Variants in CTNNA2 observed in about 807,000 individuals in gnomAD.
CTNNA2 encodes catenin alpha-2.
Under a neutral mutation model 101.0 loss-of-function variants are expected in CTNNA2, and 42 were observed. That is an observed-to-expected ratio of 0.42 (90% CI 0.32 to 0.54). The LOEUF (loss-of-function observed/expected upper bound fraction) is 0.54. Among genes scored for constraint, CTNNA2 ranks in the 20% least tolerant of loss-of-function variants. The pLI, the probability that CTNNA2 is intolerant of heterozygous loss-of-function variation, is 0.14. For synonymous variants in CTNNA2, 450 were observed against 456.4 expected (o/e 0.99, Z 0.18); for missense variants, 871 against 1,223.1 (o/e 0.71, Z 4.29).
chr2:79,627,481 G>A (rs921051439), intron 1 of CTNNA2, among the ~76,000 whole-genome samples: 11 of 152,168 alleles, frequency 7.2e-5, no homozygotes, highest in African/African-American at 1.7e-4. Flanking sequence ...CCTGTCCTGC[G>A]TGACAGATCC....
At chr2:79,690,750 G>C (rs1292260224) in intron 2 of CTNNA2, among the ~76,000 whole-genome samples, 2 of 152,004 alleles carry the variant, frequency 1.3e-5, no homozygotes. Flanking sequence ...CCAGGCTGCA[G>C]AGGAAGTGGG....
chr2:79,727,561 CT>C (rs541424725), intron 2 of CTNNA2, among the ~76,000 whole-genome samples: 87 of 151,828 alleles, frequency 5.7e-4, no homozygotes, highest in Non-Finnish European at 6.2e-4. Flanking sequence ...TCAGATATTT[CT>C]TTTTTTATTT....
intron 4 of CTNNA2, among the ~76,000 whole-genome samples, chr2:79,427,571 A>C (rs986129483): frequency 6.6e-6 from 1 of 151,812 alleles, no homozygotes; most frequent in Non-Finnish European, 1.5e-5. Context: ...GATCTATGAA[A>C]CCAACTGACC....
At chr2:79,288,876 A>G (rs555854491) in intron 2 of CTNNA2, among the ~76,000 whole-genome samples, 11 of 152,250 alleles carry the variant, frequency 7.2e-5, no homozygotes, top group Non-Finnish European at 1.2e-4. Flanking sequence ...TTAATGAGAC[A>G]CATCATAAGA....
intron 7 of CTNNA2, among the ~76,000 whole-genome samples, chr2:80,052,704 C>T (rs148903929): frequency 1.5e-3 from 234 of 152,226 alleles, no homozygotes; most frequent in Non-Finnish European, 2.6e-3. Context: ...AATTATCATC[C>T]GTAGAAGTCT....
intron 1 of CTNNA2, among the ~76,000 whole-genome samples, chr2:79,554,763 G>A (rs1330634118): frequency 6.6e-6 from 1 of 152,142 alleles, no homozygotes; most frequent in Non-Finnish European, 1.5e-5. Context: ...CCACAGAAAT[G>A]GAGGTTATTG....
At chr2:80,300,786 A>C (rs1018107465) in intron 7 of CTNNA2, among the ~76,000 whole-genome samples, 1 of 152,122 alleles carries the variant, frequency 6.6e-6, no homozygotes, top group African/African-American at 2.4e-5. Flanking sequence ...CTGATGAAGG[A>C]GCCCTCCGTC....
intron 7 of CTNNA2, among the ~76,000 whole-genome samples, chr2:80,335,049 A>G (rs1671653056): frequency 1.3e-5 from 2 of 152,268 alleles, no homozygotes; most frequent in Admixed American, 6.5e-5. Context: ...GGTGACTTTC[A>G]GATGGGTTAA....
intron 2 of CTNNA2, among the ~76,000 whole-genome samples, chr2:79,692,085 C>T (rs1021781094): frequency 1.1e-4 from 17 of 152,246 alleles, no homozygotes; most frequent in African/African-American, 3.9e-4. Flanking sequence ...AGTGAACAGG[C>T]AACCTACAGA....
intron 3 of CTNNA2, among the ~76,000 whole-genome samples, chr2:79,813,070 A>G (rs541026195): frequency 2.0e-5 from 3 of 152,254 alleles, no homozygotes; most frequent in Admixed American, 6.5e-5. Context: ...TTTCCCATAG[A>G]TGAGGGGTTT....
At chr2:79,661,858 A>T (rs1475337058) in intron 2 of CTNNA2, among the ~76,000 whole-genome samples, 4 of 151,888 alleles carry the variant, frequency 2.6e-5, no homozygotes, top group Admixed American at 2.6e-4. Flanking sequence ...CTTACAGATT[A>T]AAAAAAAGAT....
intron 9 of CTNNA2, among the ~76,000 whole-genome samples, chr2:80,465,524 A>T (rs1487744644): frequency 6.6e-6 from 1 of 152,134 alleles, no homozygotes; most frequent in Non-Finnish European, 1.5e-5. Flanking sequence ...GGAATGCTTG[A>T]AGAAGGCCAC....
rs537584661 is a variant in CTNNA2, at chr2:79,432,190, T to C, written c.-135+58177T>C. Reference sequence around the variant, plus strand: ...CTTCAAAAGCTCCAAAGATGGCTTATAATACTAGGATGGAACGACAAGTAT... The same window carrying C: ...CTTCAAAAGCTCCAAAGATGGCTTACAATACTAGGATGGAACGACAAGTAT... On this transcript the variant is annotated intron_variant, in intron 4 of 21. Transcript: ENST00000466387. Among the ~76,000 whole-genome samples, 7 of 152,340 alleles carry C rather than the reference T, an allele frequency of 4.6e-5. No homozygotes were observed. The South Asian group carries it at 8.3e-4, about 18-fold the overall frequency.
intron 1 of CTNNA2, among the ~76,000 whole-genome samples, chr2:79,592,343 G>C (rs1676917466): frequency 6.6e-6 from 1 of 151,778 alleles, no homozygotes; most frequent in Non-Finnish European, 1.5e-5. Flanking sequence ...TGTTGACCAG[G>C]CTGATCTCGA....
At chr2:79,639,870 G>T (rs533074351) in intron 1 of CTNNA2, among the ~76,000 whole-genome samples, 8 of 151,982 alleles carry the variant, frequency 5.3e-5, no homozygotes, top group Non-Finnish European at 1.0e-4. Context: ...CAGCTAAAGT[G>T]GTGCATTCAG....
chr2:80,034,899 T>C (rs1379722226), intron 7 of CTNNA2, among the ~76,000 whole-genome samples: 1 of 152,166 alleles, frequency 6.6e-6, no homozygotes, highest in African/African-American at 2.4e-5. Flanking sequence ...AAATTTCAAA[T>C]TCATATACCG....
intron 7 of CTNNA2, among the ~76,000 whole-genome samples, chr2:80,028,599 A>G (rs1263766629): frequency 1.3e-5 from 2 of 152,220 alleles, no homozygotes; most frequent in Non-Finnish European, 2.9e-5. Flanking sequence ...AATATATTAA[A>G]TGGCAAGGGT....
chr2:80,039,770 CA>C (rs1331296141), intron 7 of CTNNA2, among the ~76,000 whole-genome samples: 1 of 152,024 alleles, frequency 6.6e-6, no homozygotes, highest in Non-Finnish European at 1.5e-5. Context: ...GATTTGAACT[CA>C]AAAAACAGAA....
intron 3 of CTNNA2, among the ~76,000 whole-genome samples, chr2:79,350,513 A>AT (rs528511100): frequency 2.0e-3 from 311 of 152,084 alleles, no homozygotes; most frequent in African/African-American, 7.3e-3. Flanking sequence ...TATATGCCAC[A>AT]TTTTTTTTAT....
Sources: gnomAD v4.1 joint callset for allele counts (sites outside exome capture counted in the v4.1 genomes callset) on GRCh38, gnomAD v4.1.1 for gene constraint, MANE v1.5 for transcripts, NCBI Gene and HGNC (gene_info 2026-07-23, HGNC 2026-07-21) for gene names.